NLK: variants seen among roughly 807,000 people sequenced by gnomAD.
NLK encodes nemo like kinase.
In NLK, 11 loss-of-function variants were observed where a neutral mutation model predicts 59.0. The ratio of observed to expected loss-of-function variants is 0.19; its 90% confidence interval spans 0.12 to 0.31. The LOEUF (loss-of-function observed/expected upper bound fraction) is 0.31, where lower values mean the gene tolerates loss of function less well. NLK is among the 10% of genes least tolerant of loss of function. The pLI, the probability that NLK is intolerant of heterozygous loss-of-function variation, is 1.00. For missense variants in NLK, 410 were observed against 661.1 expected, an observed-to-expected ratio of 0.62 and a Z score of 4.16; for synonymous variants, 235 against 235.9, an observed-to-expected ratio of 1.00 and a Z score of 0.03.
chr17:28,062,536 A>C (rs1909696464), intron 1 of NLK, among the ~76,000 whole-genome samples: 1 of 152,210 alleles, frequency 6.6e-6, no homozygotes, highest in Admixed American at 6.5e-5. Context: ...TTTAATATTA[A>C]AGCCATGTGT....
At chr17:28,169,333 C>A (rs1908369841) in intron 6 of NLK, among the ~76,000 whole-genome samples, 1 of 152,220 alleles carries the variant, frequency 6.6e-6, no homozygotes, top group African/African-American at 2.4e-5. Flanking sequence ...AATGTACTTA[C>A]ACTTTGTGCT....
At chr17:28,198,570 C>A (rs751628005), downstream of NLK, among the ~76,000 whole-genome samples, 1 of 152,188 alleles carries the variant, frequency 6.6e-6, no homozygotes, top group Non-Finnish European at 1.5e-5. Flanking sequence ...AATGATCCAC[C>A]CACCTTGGCC....
intron 8 of NLK, among the ~76,000 whole-genome samples, chr17:28,189,332 G>T (rs147135627): frequency 6.6e-6 from 1 of 152,258 alleles, no homozygotes; most frequent in African/African-American, 2.4e-5. Context: ...TGCCTATTCT[G>T]TGCTCTTTGG....
At chr17:28,198,961 A>G (rs540344634), downstream of NLK, among the ~76,000 whole-genome samples, 1 of 152,338 alleles carries the variant, frequency 6.6e-6, no homozygotes, top group South Asian at 2.1e-4. Flanking sequence ...TTCGTGGCAC[A>G]GCTGTGTCTG....
the NLK span, among the ~76,000 whole-genome samples, chr17:28,202,588 T>C: frequency 6.6e-6 from 1 of 152,316 alleles, no homozygotes; most frequent in African/African-American, 2.4e-5. Context: ...GGTCTCAGGG[T>C]AATGTTGACC....
chr17:28,093,244 T>A (rs1904572283), intron 1 of NLK, among the ~76,000 whole-genome samples: 1 of 152,198 alleles, frequency 6.6e-6, no homozygotes. Flanking sequence ...AATATTCTCA[T>A]GACCAGATGC....
intron 8 of NLK, among the ~76,000 whole-genome samples, chr17:28,189,546 A>G (rs1179665746): frequency 6.6e-6 from 1 of 152,222 alleles, no homozygotes; most frequent in Non-Finnish European, 1.5e-5. Flanking sequence ...GAACAGAAGG[A>G]TAAACCGTTG....
rs558847861 is a variant in NLK, at chr17:28,057,453, C to T, written c.458+14122C>T. 3.3e-5 allele frequency among the ~76,000 whole-genome samples: 5 copies of T among 152,300 alleles called. No homozygotes were observed. The East Asian group carries it at 9.6e-4, about 29-fold the overall frequency. On this transcript the variant is annotated intron_variant, in intron 1 of 10. Transcript: ENST00000407008. ...ACTATTTTGGAATGCTATTCATTCT[C>T]TTAATAATTAAAACAAAATTCAGTG...
chr17:28,066,188 A>G (rs1480138448), intron 1 of NLK, among the ~76,000 whole-genome samples: 1 of 152,024 alleles, frequency 6.6e-6, no homozygotes, highest in African/African-American at 2.4e-5. Context: ...CTGAAACCTC[A>G]TCCCTAAATT....
chr17:28,068,780 A>G (rs1016017159), intron 1 of NLK, among the ~76,000 whole-genome samples: 2 of 152,176 alleles, frequency 1.3e-5, no homozygotes, highest in African/African-American at 2.4e-5. Context: ...TGTGAGTTCA[A>G]GTGATCCCCT....
intron 1 of NLK, among the ~76,000 whole-genome samples, chr17:28,096,457 A>T (rs576566426): frequency 6.6e-6 from 1 of 152,250 alleles, no homozygotes; most frequent in South Asian, 2.1e-4. Context: ...AATTTTTTTT[A>T]TCCTCCTACA....
chr17:28,108,713 G>A (rs1467853190), intron 1 of NLK, among the ~76,000 whole-genome samples: 1 of 152,148 alleles, frequency 6.6e-6, no homozygotes, highest in Non-Finnish European at 1.5e-5. Flanking sequence ...TTGTACCCTG[G>A]CTGGTGGGAA....
chr17:28,093,856 TGGTTTCTGC>T (rs1202502008), intron 1 of NLK, among the ~76,000 whole-genome samples: 1 of 152,254 alleles, frequency 6.6e-6, no homozygotes, highest in Non-Finnish European at 1.5e-5. Flanking sequence ...ACTGGACTAA[TGGTTTCTGC>T]TATTGTTAAT....
chr17:28,172,628 G>C lies in NLK; in HGVS notation c.1149+10G>C, dbSNP rs761861889. 5 of 1,469,322 alleles carry C rather than the reference G, an allele frequency of 3.4e-6. No homozygotes were observed. In the African/African-American group the frequency reaches 5.7e-5, roughly 17 times the overall value. 91.0% of individuals were successfully genotyped at this position (1,469,322 alleles called of 1,614,324 possible). A position where few individuals can be genotyped will look rare whatever the true frequency, so the allele number is the denominator to read the frequency against. On this transcript the variant is annotated intron_variant, in intron 7 of 10. Coordinates refer to ENST00000407008, the MANE Select transcript of NLK (RefSeq NM_016231.5). ...GGGTCCTCATAAACAGGTGAGAGGAGGGGGGAATCTTTTTCTGGTAACCAT... is the reference window on the plus strand; with the variant it reads ...GGGTCCTCATAAACAGGTGAGAGGACGGGGGAATCTTTTTCTGGTAACCAT...
At chr17:28,052,383 G>C (rs574182121) in intron 1 of NLK, among the ~76,000 whole-genome samples, 2 of 152,138 alleles carry the variant, frequency 1.3e-5, no homozygotes, top group African/African-American at 4.8e-5. Flanking sequence ...CTTTCCAGGA[G>C]TCTCTTTTAA....
chr17:28,123,932 T>A (rs1026343922), intron 2 of NLK, among the ~76,000 whole-genome samples: 2 of 152,076 alleles, frequency 1.3e-5, no homozygotes, highest in African/African-American at 4.8e-5. Context: ...TAAAAACTTA[T>A]CAGAAAAAAA....
At chr17:28,087,681 T>G (rs1910559582) in intron 1 of NLK, among the ~76,000 whole-genome samples, 1 of 151,992 alleles carries the variant, frequency 6.6e-6, no homozygotes, top group Non-Finnish European at 1.5e-5. Flanking sequence ...GATTGGGCTT[T>G]GAATGTTAGG....
chr17:28,050,260 T>TGGGGAAGGGCAGTCTAG (rs1909201332), intron 1 of NLK, among the ~76,000 whole-genome samples: 1 of 151,954 alleles, frequency 6.6e-6, no homozygotes, highest in Non-Finnish European at 1.5e-5. Flanking sequence ...AGTCAACCAA[T>TGGGGAAGGGCAGTCTAG]GGGGAAGGGC....
chr17:28,118,493 A>T (rs549967363), intron 1 of NLK, among the ~76,000 whole-genome samples: 59 of 152,342 alleles, frequency 3.9e-4, no homozygotes, highest in African/African-American at 1.3e-3. Context: ...ATTCTTGCTG[A>T]CTAGTTTAAA....
Sources: allele counts gnomAD v4.1 joint callset (sites outside exome capture counted in the v4.1 genomes callset), GRCh38; gene constraint gnomAD v4.1.1; transcripts MANE v1.5; gene names NCBI Gene and HGNC (gene_info 2026-07-23, HGNC 2026-07-21).